Variants in KIT observed in about 807,000 individuals in gnomAD.
The protein encoded by KIT is KIT proto-oncogene, receptor tyrosine kinase, also known as mast/stem cell growth factor receptor Kit.
A neutral mutation model predicts 105.7 loss-of-function variants in KIT; 16 were observed. The observed-to-expected ratio is 0.15, with a 90% confidence interval of 0.10 to 0.23. KIT has a LOEUF of 0.23. Among genes scored for constraint, KIT ranks in the 10% least tolerant of loss-of-function variants. The probability of loss-of-function intolerance (pLI) is 1.00; values close to 1 mark genes in which losing one functional copy is unlikely to be tolerated. For missense variants in KIT, 858 were observed against 1,213.8 expected, an observed-to-expected ratio of 0.71 and a Z score of 4.36; for synonymous variants, 438 against 441.1, an observed-to-expected ratio of 0.99 and a Z score of 0.09.
chr4:54,699,652 G>A lies in KIT; in HGVS notation c.642G>A (p.Val214=), dbSNP rs762922034. Residue 214 remains valine (V), a synonymous_variant, in exon 4 of 21, where the codon GTG becomes GTA. Transcript: ENST00000288135. ...TAGCCTTCAAAGCTGTGCCTGTTGT[G>A]TCTGTGTCCAAAGCAAGCTATCTTC... ...VRPAFKAVPV[V]SVSKASYLLR... The A allele has an allele frequency of 1.2e-6, 2 of 1,614,016 alleles. No homozygotes were observed. The highest frequency in any genetic ancestry group is 1.7e-6 in the Non-Finnish European group (2 of 1,179,902).
rs184158343 is a variant in KIT, at chr4:54,674,505, T to A, written c.67+16424T>A. On this transcript the variant is annotated intron_variant, in intron 1 of 20. Coordinates refer to ENST00000288135, the MANE Select transcript of KIT (RefSeq NM_000222.3). ...GTCTGCTCTCTGTCAGTTTTTATGG[T>A]TGGGGAGAGTCAATAATTATGCTGC... 2.8e-4 allele frequency among the ~76,000 whole-genome samples: 43 copies of A among 152,208 alleles called. 1 individual carries two copies. In the East Asian group the frequency reaches 7.9e-3, roughly 28 times the overall value.
chr4:54,688,562 G>T (rs960378261), intron 1 of KIT, among the ~76,000 whole-genome samples: 1 of 152,162 alleles, frequency 6.6e-6, no homozygotes, highest in Non-Finnish European at 1.5e-5. Context: ...TGGAGCTTTA[G>T]CCTTTTGTGA....
Position 54,731,384 on chromosome 4 carries a change from C to T in KIT, c.2198C>T (p.Pro733Leu), listed in dbSNP as rs992027457. The T allele has an allele frequency of 8.7e-6, 14 of 1,613,306 alleles. No individual in the cohort carries two copies. The highest frequency in any genetic ancestry group is 1.7e-4 in the Middle Eastern group (1 of 6,060). ...AAACCTGGAGTTTCTTATGTTGTCC[C>T]AACCAAGGCCGACAAAAGGAGATCT... ...DMKPGVSYVVPTKADKRRSVR... is the reference protein window; with the variant it reads ...DMKPGVSYVVLTKADKRRSVR... The change falls in exon 15 of 21, where the codon CCA (proline) becomes CTA (leucine). Residue 733 changes from proline (P) to leucine (L), a missense_variant. Physicochemically the swap from Pro to Leu is moderately conservative, Grantham distance 98. This residue lies in a region of KIT where 158 missense variants were observed against 218.7 expected (regional missense o/e 0.72). Coordinates refer to ENST00000288135, the MANE Select transcript of KIT (RefSeq NM_000222.3).
At chr4:54,724,789 A>G (rs908877967) in intron 8 of KIT, among the ~76,000 whole-genome samples, 30 of 152,246 alleles carry the variant, frequency 2.0e-4, no homozygotes, top group Middle Eastern at 3.4e-3. Context: ...AAATCTCATA[A>G]TGTTTTAAGC....
At chr4:54,663,387 G>A (rs986326469) in intron 1 of KIT, among the ~76,000 whole-genome samples, 1 of 152,160 alleles carries the variant, frequency 6.6e-6, no homozygotes, top group Non-Finnish European at 1.5e-5. Flanking sequence ...GATTCTGCAT[G>A]TAATATGCTT....
At chr4:54,678,579 C>T (rs1207429675) in intron 1 of KIT, among the ~76,000 whole-genome samples, 3 of 152,062 alleles carry the variant, frequency 2.0e-5, no homozygotes, top group Admixed American at 6.5e-5. Flanking sequence ...TTGTAGAGGT[C>T]AAATGAGTTT....
At chr4:54,670,383 T>C (rs997592148) in intron 1 of KIT, among the ~76,000 whole-genome samples, 4 of 152,190 alleles carry the variant, frequency 2.6e-5, no homozygotes, top group South Asian at 4.1e-4. Context: ...AAGAACTTGA[T>C]GAATTTCAAC....
intron 20 of KIT, 67 bp downstream of exon 20, chr4:54,737,347 G>C: frequency 9.3e-7 from 1 of 1,075,860 alleles, no homozygotes; most frequent in Non-Finnish European, 1.4e-6. Flanking sequence ...TCCTCCTCAG[G>C]CTTTCAGGGT....
At chr4:54,684,523 G>A (rs1719177000) in intron 1 of KIT, among the ~76,000 whole-genome samples, 1 of 152,028 alleles carries the variant, frequency 6.6e-6, no homozygotes. Context: ...ATCTTCCTCT[G>A]TGGATGTTCA....
At chr4:54,735,487 G>T (rs912846586) in intron 17 of KIT, among the ~76,000 whole-genome samples, 1 of 151,896 alleles carries the variant, frequency 6.6e-6, no homozygotes, top group African/African-American at 2.4e-5. Flanking sequence ...GCATCTAAAA[G>T]GACTAGTTAC....
At chr4:54,705,363 T>C (rs1720719636) in intron 5 of KIT, among the ~76,000 whole-genome samples, 1 of 152,122 alleles carries the variant, frequency 6.6e-6, no homozygotes, top group African/African-American at 2.4e-5. Flanking sequence ...TTTTAGTGGC[T>C]GGGAGGAGGG....
At chr4:54,732,032 T>C (rs1560421423) in intron 16 of KIT, 34 bp downstream of exon 16, 2 of 1,583,750 alleles carry the variant, frequency 1.3e-6, no homozygotes, top group Admixed American at 1.9e-5. Flanking sequence ...GAGTTTTGTG[T>C]TTTGTTTTTT....
At chr4:54,671,982 T>C (rs1718140982) in intron 1 of KIT, among the ~76,000 whole-genome samples, 1 of 152,184 alleles carries the variant, frequency 6.6e-6, no homozygotes, top group Non-Finnish European at 1.5e-5. Flanking sequence ...AACATAATGA[T>C]GATGCCAATG....
At chr4:54,729,970 C>G (rs1722485813) in intron 14 of KIT, among the ~76,000 whole-genome samples, 1 of 152,184 alleles carries the variant, frequency 6.6e-6, no homozygotes, top group South Asian at 2.1e-4. Context: ...TGGATTATTC[C>G]TGTATACCTT....
chr4:54,690,525 G>A (rs185548533), intron 1 of KIT, among the ~76,000 whole-genome samples: 18 of 152,326 alleles, frequency 1.2e-4, no homozygotes, highest in African/African-American at 4.3e-4. Flanking sequence ...GGTCTCCAGA[G>A]TGTTGGGTTT....
rs1553887960 is a variant in KIT at position 54,699,759 on chromosome 4, ACAGT to A, written c.753_756del (p.Ser251ArgfsTer24). Reference sequence around the variant, plus strand: ...GTGTACTCAACGTGGAAAAGAGAAAACAGTCAGGTGAGTGAATCGCTTCATTCTT... The same window carrying A: ...GTGTACTCAACGTGGAAAAGAGAAAACAGGTGAGTGAATCGCTTCATTCTT... On this transcript the variant is annotated frameshift_variant, in exon 4 of 21. Coordinates refer to ENST00000288135, the MANE Select transcript of KIT (RefSeq NM_000222.3). LOFTEE classifies it high-confidence loss of function. 2 of 1,613,696 alleles carry A rather than the reference ACAGT, an allele frequency of 1.2e-6. No individual in the cohort carries two copies. Among genetic ancestry groups the A allele is most frequent in the Non-Finnish European group, 1.7e-6 (2 of 1,179,768 alleles).
chr4:54,660,400 C>T (rs1160084428), intron 1 of KIT, among the ~76,000 whole-genome samples: 2 of 152,192 alleles, frequency 1.3e-5, no homozygotes, highest in Non-Finnish European at 2.9e-5. Flanking sequence ...TCATTCTCAG[C>T]AGCTGGACAC....
At chr4:54,668,244 G>T (rs1373823788) in intron 1 of KIT, among the ~76,000 whole-genome samples, 1 of 152,138 alleles carries the variant, frequency 6.6e-6, no homozygotes, top group Non-Finnish European at 1.5e-5. Context: ...GGAGGTGGCT[G>T]TTTGTGGTGG....
rs764636807 is a variant in KIT, at chr4:54,695,529, G to C, written c.85G>C (p.Val29Leu). ...CTTGGCAGGCTCTTCTCAACCATCTGTGAGTCCAGGGGAACCGTCTCCACC... is the reference window on the plus strand; with the variant it reads ...CTTGGCAGGCTCTTCTCAACCATCTCTGAGTCCAGGGGAACCGTCTCCACC... ...RVQTGSSQPS[V>L]SPGEPSPPSI... The change falls in exon 2 of 21, where the codon GTG becomes CTG. Residue 29 changes from valine (V) to leucine (L), a missense_variant. This residue lies in a region of KIT where 46 missense variants were observed against 38.8 expected (regional missense o/e 1.19). Coordinates refer to ENST00000288135, the MANE Select transcript of KIT (RefSeq NM_000222.3). 2.5e-6 allele frequency: 4 copies of C among 1,614,056 alleles called. No homozygotes were observed. The highest frequency in any genetic ancestry group is 3.4e-6 in the Non-Finnish European group (4 of 1,180,046).
Sources: allele counts gnomAD v4.1 joint callset (sites outside exome capture counted in the v4.1 genomes callset), GRCh38; gene constraint gnomAD v4.1.1; regional missense constraint gnomAD v4.1.1; transcripts MANE v1.5; gene names NCBI Gene and HGNC (gene_info 2026-07-23, HGNC 2026-07-21).